The following RSRC1 variants were observed in gnomAD, a reference collection of about 807,000 sequenced individuals.
RSRC1 encodes the protein serine/Arginine-related protein 53.
In RSRC1, 39 loss-of-function variants were observed where a neutral mutation model predicts 49.1. The observed-to-expected ratio is 0.79, with a 90% CI of 0.61 to 1.04. The LOEUF (loss-of-function observed/expected upper bound fraction) is 1.04, where lower values mean the gene tolerates loss of function less well. RSRC1 is among the 50% of genes least tolerant of loss of function. RSRC1 has a pLI of 0.00. For synonymous variants in RSRC1, 143 were observed against 130.8 expected (o/e 1.09, Z -0.63); for missense variants, 388 against 402.4 (o/e 0.96, Z 0.31).
intron 7 of RSRC1, among the ~76,000 whole-genome samples, chr3:158,532,958 A>G (rs1437777808): frequency 6.6e-6 from 1 of 151,750 alleles, no homozygotes; most frequent in East Asian, 1.9e-4. Flanking sequence ...CATTTTCCCA[A>G]TCTTAAAATT....
intron 3 of RSRC1, among the ~76,000 whole-genome samples, chr3:158,159,836 A>AT (rs1296942939): frequency 6.6e-6 from 1 of 152,072 alleles, no homozygotes; most frequent in Non-Finnish European, 1.5e-5. Flanking sequence ...GCTACTAGTC[A>AT]TTTTTCAGTC....
At chr3:158,137,522 G>T (rs901600933) in intron 3 of RSRC1, among the ~76,000 whole-genome samples, 1 of 151,806 alleles carries the variant, frequency 6.6e-6, no homozygotes, top group African/African-American at 2.4e-5. Context: ...TCATTGTTTA[G>T]ATCTAAAAGG....
At chr3:158,226,221 TTGG>T (rs1232918942) in intron 4 of RSRC1, among the ~76,000 whole-genome samples, 1 of 151,908 alleles carries the variant, frequency 6.6e-6, no homozygotes, top group Non-Finnish European at 1.5e-5. Flanking sequence ...CAAAGAGTTG[TTGG>T]TGGGGCAACT....
At chr3:158,202,566 A>ATATATATATATATATATATATG (rs1559941225) in intron 3 of RSRC1, among the ~76,000 whole-genome samples, 1 of 137,746 alleles carries the variant, frequency 7.3e-6, no homozygotes. Flanking sequence ...GGTAGATTAT[A>ATATATATATATATATATATATG]TATATATATA....
chr3:158,134,553 A>G (rs988008690), intron 3 of RSRC1, among the ~76,000 whole-genome samples: 2 of 152,224 alleles, frequency 1.3e-5, no homozygotes, highest in Admixed American at 6.5e-5. Flanking sequence ...CAAATGAAAG[A>G]TGCCTGACAG....
intron 4 of RSRC1, among the ~76,000 whole-genome samples, chr3:158,259,208 C>G (rs549858616): frequency 6.6e-6 from 1 of 152,250 alleles, no homozygotes; most frequent in African/African-American, 2.4e-5. Flanking sequence ...ATTCATCCTT[C>G]TTGGGGAGGC....
intron 3 of RSRC1, among the ~76,000 whole-genome samples, chr3:158,144,617 C>T (rs1464860726): frequency 6.6e-6 from 1 of 152,104 alleles, no homozygotes; most frequent in Non-Finnish European, 1.5e-5. Context: ...GTCTTTATAG[C>T]AGCATGATTT....
intron 4 of RSRC1, among the ~76,000 whole-genome samples, chr3:158,279,172 T>G (rs369231935): frequency 6.6e-6 from 1 of 152,300 alleles, no homozygotes; most frequent in South Asian, 2.1e-4. Flanking sequence ...CTGCGTTTAG[T>G]TATGCTATGT....
At chr3:158,485,006 A>G (rs1738762799) in intron 7 of RSRC1, among the ~76,000 whole-genome samples, 1 of 152,044 alleles carries the variant, frequency 6.6e-6, no homozygotes, top group Non-Finnish European at 1.5e-5. Context: ...AACAAATCTA[A>G]CCTGGTCCTA....
chr3:158,352,442 T>C (rs912698718), intron 5 of RSRC1, among the ~76,000 whole-genome samples: 4 of 152,310 alleles, frequency 2.6e-5, no homozygotes, highest in African/African-American at 7.2e-5. Flanking sequence ...TACATTATTA[T>C]GTATTTATTT....
chr3:158,452,584 G>T (rs925582654), intron 6 of RSRC1, among the ~76,000 whole-genome samples: 1 of 152,166 alleles, frequency 6.6e-6, no homozygotes, highest in African/African-American at 2.4e-5. Flanking sequence ...ACACAGCAGT[G>T]TTTGTGAAAT....
intron 4 of RSRC1, among the ~76,000 whole-genome samples, chr3:158,293,588 A>T (rs1165610979): frequency 6.6e-6 from 1 of 152,048 alleles, no homozygotes. Flanking sequence ...GATTACTTAG[A>T]TTACAATAAT....
At chr3:158,393,750 T>C (rs1733457790) in intron 6 of RSRC1, among the ~76,000 whole-genome samples, 1 of 152,052 alleles carries the variant, frequency 6.6e-6, no homozygotes, top group Non-Finnish European at 1.5e-5. Flanking sequence ...GAAGAGCTGA[T>C]ACTATGCCTA....
chr3:158,116,165 A>G (rs1559905526), intron 1 of RSRC1, among the ~76,000 whole-genome samples: 1 of 152,200 alleles, frequency 6.6e-6, no homozygotes, highest in Non-Finnish European at 1.5e-5. Flanking sequence ...TGGCAATACA[A>G]ATTATCTAAA....
At chr3:158,182,876 G>C (rs1465524791) in intron 3 of RSRC1, among the ~76,000 whole-genome samples, 1 of 152,020 alleles carries the variant, frequency 6.6e-6, no homozygotes, top group Non-Finnish European at 1.5e-5. Flanking sequence ...GGACCTTTAT[G>C]AATATAATTA....
intron 7 of RSRC1, among the ~76,000 whole-genome samples, chr3:158,503,678 A>G (rs1578553146): frequency 6.6e-6 from 1 of 152,078 alleles, no homozygotes; most frequent in Admixed American, 6.5e-5. Context: ...GGAGGGCGGC[A>G]GTCACAGGCC....
At chr3:158,332,726 A>G (rs530874531) in intron 5 of RSRC1, among the ~76,000 whole-genome samples, 2 of 152,276 alleles carry the variant, frequency 1.3e-5, no homozygotes, top group East Asian at 3.9e-4. Context: ...GATAAAAAAG[A>G]AAAAGAAAAA....
intron 4 of RSRC1, among the ~76,000 whole-genome samples, chr3:158,293,756 T>C (rs1209428444): frequency 6.6e-6 from 1 of 152,096 alleles, no homozygotes; most frequent in Non-Finnish European, 1.5e-5. Context: ...TTTCTTTATA[T>C]TTCTTTGTAT....
chr3:158,113,925 C>CA (rs1714604752), intron 1 of RSRC1, among the ~76,000 whole-genome samples: 1 of 151,930 alleles, frequency 6.6e-6, no homozygotes, highest in African/African-American at 2.4e-5. Flanking sequence ...GTATAGGTTG[C>CA]AAAAATTTTC....
Sources: allele counts gnomAD v4.1 joint callset (sites outside exome capture counted in the v4.1 genomes callset), GRCh38; gene constraint gnomAD v4.1.1; transcripts MANE v1.5; gene names NCBI Gene and HGNC (gene_info 2026-07-23, HGNC 2026-07-21).